Variants in SH3KBP1 observed in about 807,000 individuals in gnomAD.
SH3KBP1 encodes SH3 domain-containing kinase-binding protein 1.
Under a neutral mutation model 50.1 loss-of-function variants are expected in SH3KBP1, and 8 were observed. The observed-to-expected ratio is 0.16, with a 90% CI of 0.09 to 0.29. The LOEUF is 0.29. SH3KBP1 is among the 10% of genes least tolerant of loss of function. The probability of loss-of-function intolerance (pLI) is 1.00; values close to 1 mark genes in which losing one functional copy is unlikely to be tolerated. For synonymous variants in SH3KBP1, 227 were observed against 218.6 expected (o/e 1.04, Z -0.34); for missense variants, 377 against 535.2 (o/e 0.70, Z 2.92).
intron 3 of SH3KBP1, among the ~76,000 whole-genome samples, chrX:19,721,592 T>C (rs1020306298): frequency 1.8e-5 from 2 of 112,118 alleles, no homozygotes; most frequent in African/African-American, 3.2e-5. Flanking sequence ...GTTCCCTTTT[T>C]ATTCATTTAC....
At chrX:19,608,768 T>A (rs990535619) in intron 8 of SH3KBP1, among the ~76,000 whole-genome samples, 1 of 112,503 alleles carries the variant, frequency 8.9e-6, no homozygotes, top group Non-Finnish European at 1.9e-5. Flanking sequence ...AAAGGTTTTG[T>A]GACAGTCAGC....
At chrX:19,661,296 G>A (rs549642186) in intron 6 of SH3KBP1, among the ~76,000 whole-genome samples, 1 of 112,251 alleles carries the variant, frequency 8.9e-6, no homozygotes, top group Middle Eastern at 4.6e-3. Flanking sequence ...GGTCCTCTAT[G>A]TATCTAGAGC....
At chrX:19,659,448 G>C (rs747413646) in intron 6 of SH3KBP1, among the ~76,000 whole-genome samples, 1 of 109,584 alleles carries the variant, frequency 9.1e-6, no homozygotes, top group East Asian at 2.9e-4. Flanking sequence ...TTTTTTTCTA[G>C]AGACAGGGTC....
intron 6 of SH3KBP1, chrX:19,671,138 C>T: frequency 4.2e-6 from 2 of 476,057 alleles, no homozygotes; most frequent in Non-Finnish European, 6.3e-6. Flanking sequence ...CTGGGGCCCC[C>T]AGGTGTGACC....
At chrX:19,547,440 G>T (rs900740512) in intron 14 of SH3KBP1, among the ~76,000 whole-genome samples, 5 of 111,604 alleles carry the variant, frequency 4.5e-5, no homozygotes, top group African/African-American at 1.6e-4. Flanking sequence ...GTTTTCTTCT[G>T]TTTACTTAAG....
intron 2 of SH3KBP1, among the ~76,000 whole-genome samples, chrX:19,767,716 A>T (rs2065664672): frequency 9.0e-6 from 1 of 111,352 alleles, no homozygotes; most frequent in African/African-American, 3.3e-5. Flanking sequence ...CGTGCACAGT[A>T]AATGGCAGGT....
intron 2 of SH3KBP1, among the ~76,000 whole-genome samples, chrX:19,749,429 T>C (rs1013271293): frequency 2.7e-5 from 3 of 112,735 alleles, no homozygotes; most frequent in African/African-American, 9.7e-5. Context: ...CATTAAGAGA[T>C]GAATGGATAA....
chrX:19,846,883 T>C (rs2068380501), intron 1 of SH3KBP1, among the ~76,000 whole-genome samples: 1 of 111,783 alleles, frequency 8.9e-6, no homozygotes, highest in African/African-American at 3.3e-5. Context: ...AAAGCAACTC[T>C]TGCTTGTCTT....
At chrX:19,864,466 T>C (rs2068854641) in intron 1 of SH3KBP1, among the ~76,000 whole-genome samples, 1 of 111,609 alleles carries the variant, frequency 9.0e-6, no homozygotes, top group Admixed American at 9.5e-5. Flanking sequence ...CCCACAAGGG[T>C]TCTTAAAAAG....
chrX:19,726,966 C>A lies in SH3KBP1; in HGVS notation c.286+19352G>T. Among the ~76,000 whole-genome samples the A allele has an allele frequency of 1.8e-5, 2 of 112,274 alleles. 1 individual carries two copies. Among genetic ancestry groups the A allele is most frequent in the East Asian group, 5.5e-4 (2 of 3,621 alleles). Reference sequence around the variant, plus strand: ...AAGAAAACAGGAGAAGGAATGCTCTCTTGACCCAGAATTCTCTTACCCAAG... The same window carrying A: ...AAGAAAACAGGAGAAGGAATGCTCTATTGACCCAGAATTCTCTTACCCAAG... On this transcript the variant is annotated intron_variant, in intron 3 of 17. Transcript: ENST00000397821.
chrX:19,643,631 C>T (rs1235873591), intron 7 of SH3KBP1, among the ~76,000 whole-genome samples: 1 of 111,039 alleles, frequency 9.0e-6, no homozygotes, highest in Non-Finnish European at 1.9e-5. Flanking sequence ...ATTCCCTTTC[C>T]TGACCTGCTA....
intron 12 of SH3KBP1, among the ~76,000 whole-genome samples, chrX:19,578,212 A>G (rs5955568): frequency 0.23 from 25,204 of 110,844 alleles, 2,650 homozygotes; most frequent in African/African-American, 0.4. Context: ...ACGTGGATGA[A>G]TTGTACAGCA....
rs746364371 is a variant in SH3KBP1, at chrX:19,747,386, T to C, written c.163-945A>G. 1.3e-4 allele frequency among the ~76,000 whole-genome samples: 15 copies of C among 111,789 alleles called. No homozygotes were observed. The South Asian group carries it at 3.0e-3, about 22-fold the overall frequency. On this transcript the variant is annotated intron_variant, in intron 2 of 17. Coordinates refer to ENST00000397821, the MANE Select transcript of SH3KBP1 (RefSeq NM_031892.3). ...TTTCTAGGCTTGTCTGAATCCATAA[T>C]CACAGTAACTTGGGGAAAAGTGAAA...
chrX:19,802,580 C>T (rs1192703258), intron 2 of SH3KBP1, among the ~76,000 whole-genome samples: 1 of 110,266 alleles, frequency 9.1e-6, no homozygotes, highest in Non-Finnish European at 1.9e-5. Context: ...GGCCTTGCTT[C>T]CCATTTTACT....
At chrX:19,819,161 G>C (rs2147324462) in intron 2 of SH3KBP1, among the ~76,000 whole-genome samples, 1 of 111,413 alleles carries the variant, frequency 9.0e-6, no homozygotes, top group Non-Finnish European at 1.9e-5. Context: ...TCAGGGAATT[G>C]GTTCATTTCA....
rs1325222905 is a variant in SH3KBP1 at position 19,887,298 on chromosome X, C to T, written c.4+9G>A. On this transcript the variant is annotated intron_variant, in intron 1 of 17. Coordinates refer to ENST00000397821, the MANE Select transcript of SH3KBP1 (RefSeq NM_031892.3). ...AGTGGACGCCCGGACGCGGGCGGCC[C>T]CCACTCACCCATTGGCGTCGAGCCG... is the stretch of plus-strand genomic sequence containing the variant. The T allele has an allele frequency of 1.0e-6, 1 of 976,529 alleles. No individual in the cohort carries two copies. The highest frequency in any genetic ancestry group is 4.8e-5 in the Admixed American group (1 of 20,926). 80.5% of individuals were successfully genotyped at this position (976,529 alleles called of 1,213,427 possible). A position where few individuals can be genotyped will look rare whatever the true frequency, so the allele number is the denominator to read the frequency against.
Position 19,692,689 on chromosome X carries a change from A to ATTTT in SH3KBP1, c.520+2919_520+2922dup, listed in dbSNP as rs1186773036. Reference sequence around the variant, plus strand: ...TGTGTGTATGTATATATATATATATATTTTTTTTTTTTTTTAATAGTCTCT... The same window carrying ATTTT: ...TGTGTGTATGTATATATATATATATATTTTTTTTTTTTTTTTTTTAATAGTCTCT... On this transcript the variant is annotated intron_variant, in intron 5 of 17. Transcript: ENST00000397821. 4.4e-3 allele frequency among the ~76,000 whole-genome samples: 333 copies of ATTTT among 75,025 alleles called. 5 individuals carry two copies. Among genetic ancestry groups the ATTTT allele is most frequent in the African/African-American group, 0.017 (308 of 18,122 alleles). 65.2% of individuals were successfully genotyped at this position (75,025 alleles called of 115,157 possible).
chrX:19,738,788 A>G (rs1457618120), intron 3 of SH3KBP1, among the ~76,000 whole-genome samples: 1 of 106,071 alleles, frequency 9.4e-6, no homozygotes, highest in Non-Finnish European at 1.9e-5. Context: ...AGGCTGGGGG[A>G]TGACTTGAGG....
chrX:19,724,284 G>A (rs1158373907), intron 3 of SH3KBP1, among the ~76,000 whole-genome samples: 1 of 111,189 alleles, frequency 9.0e-6, no homozygotes, highest in Non-Finnish European at 1.9e-5. Context: ...GAGAAAGTAG[G>A]GAAAAATAAA....
Sources: gnomAD v4.1 joint callset for allele counts (sites outside exome capture counted in the v4.1 genomes callset) on GRCh38, gnomAD v4.1.1 for gene constraint, MANE v1.5 for transcripts, NCBI Gene and HGNC (gene_info 2026-07-23, HGNC 2026-07-21) for gene names.